The following VTI1A variants were observed in gnomAD, a reference collection of about 807,000 sequenced individuals.
The protein encoded by VTI1A is vesicle transport through interaction with t-SNAREs 1A, also known as vesicle transport through interaction with t-SNAREs homolog 1A.
VTI1A carries 22 observed loss-of-function variants against 34.9 expected under a neutral mutation model. That is an observed-to-expected ratio of 0.63 (90% CI 0.45 to 0.90). VTI1A has a LOEUF of 0.90. Ranked by LOEUF, VTI1A falls within the 40% of genes least tolerant of loss-of-function variation. VTI1A has a pLI of 0.00. For synonymous variants in VTI1A, 87 were observed against 97.3 expected (o/e 0.89, Z 0.62); for missense variants, 268 against 275.6 (o/e 0.97, Z 0.20).
At chr10:112,687,184 A>C (rs1356290997) in intron 7 of VTI1A, among the ~76,000 whole-genome samples, 2 of 142,190 alleles carry the variant, frequency 1.4e-5, no homozygotes, top group African/African-American at 5.3e-5. Flanking sequence ...ATCAAACTTC[A>C]CCACATCAAC....
chr10:112,761,605 T>G (rs562329250), intron 7 of VTI1A, among the ~76,000 whole-genome samples: 2 of 152,332 alleles, frequency 1.3e-5, no homozygotes, highest in Middle Eastern at 6.8e-3. Flanking sequence ...TTAATGTCAA[T>G]GCAATGTGTT....
chr10:112,524,574 A>G (rs1201982699), intron 3 of VTI1A, among the ~76,000 whole-genome samples: 1 of 152,180 alleles, frequency 6.6e-6, no homozygotes, highest in African/African-American at 2.4e-5. Flanking sequence ...GTTGCTGAGC[A>G]TGTACACTCT....
intron 7 of VTI1A, among the ~76,000 whole-genome samples, chr10:112,754,783 A>AG (rs1013059453): frequency 6.6e-6 from 1 of 152,164 alleles, no homozygotes; most frequent in Non-Finnish European, 1.5e-5. Context: ...GGGGTTTCCG[A>AG]GGAAAGGGAA....
Position 112,736,989 on chromosome 10 carries a change from C to G in VTI1A, c.560+67991C>G, listed in dbSNP as rs574443680. ...TGGTTCTGGGTGATTTATCTGGTCC[C>G]TTCCCATCCCAGAGCTTTATGATTC... On this transcript the variant is annotated intron_variant, in intron 7 of 7. Coordinates refer to ENST00000393077, the MANE Select transcript of VTI1A (RefSeq NM_145206.4). 5.2e-6 allele frequency: 3 copies of G among 577,954 alleles called. No homozygotes were observed. The African/African-American group carries it at 5.6e-5, about 11-fold the overall frequency. 35.8% of individuals were successfully genotyped at this position (577,954 alleles called of 1,614,324 possible).
the VTI1A span, among the ~76,000 whole-genome samples, chr10:112,847,878 A>G: frequency 6.6e-6 from 1 of 152,198 alleles, no homozygotes; most frequent in African/African-American, 2.4e-5. Context: ...GTGCCTAGTT[A>G]CTGAAGAAAC....
At chr10:112,630,404 T>C (rs1846084592) in intron 5 of VTI1A, among the ~76,000 whole-genome samples, 1 of 152,186 alleles carries the variant, frequency 6.6e-6, no homozygotes, top group South Asian at 2.1e-4. Flanking sequence ...AATATTACAC[T>C]TGGGGGTGCT....
At chr10:112,748,398 A>C (rs772552050) in intron 7 of VTI1A, among the ~76,000 whole-genome samples, 3 of 152,168 alleles carry the variant, frequency 2.0e-5, no homozygotes, top group Non-Finnish European at 2.9e-5. Flanking sequence ...TTATTCGTAC[A>C]GTTGGGGACT....
rs1232967240 is a variant in VTI1A, at chr10:112,447,276, C to T, written c.-98C>T. The T allele has an allele frequency of 1.5e-6, 2 of 1,332,370 alleles. No individual in the cohort carries two copies. Among genetic ancestry groups the T allele is most frequent in the East Asian group, 2.5e-5 (1 of 39,412 alleles). The allele number at this position is 1,332,370 out of a possible 1,614,324, so 82.5% of individuals were successfully genotyped here. ...CGGTTCTCCGTTCTGCTCTCGGGGG[C>T]ACCTTCCGGGGTTCCTAAGCCGCGG... On this transcript the variant is annotated 5_prime_UTR_variant, in exon 1 of 8. Transcript: ENST00000393077.
At chr10:112,593,464 C>A (rs1004531742) in intron 5 of VTI1A, among the ~76,000 whole-genome samples, 2 of 152,186 alleles carry the variant, frequency 1.3e-5, no homozygotes, top group African/African-American at 2.4e-5. Flanking sequence ...GTCAGTAGTT[C>A]TGACGAAAAG....
At chr10:112,504,497 T>A (rs1160395503) in intron 3 of VTI1A, among the ~76,000 whole-genome samples, 1 of 137,422 alleles carries the variant, frequency 7.3e-6, no homozygotes, top group Non-Finnish European at 1.6e-5. Flanking sequence ...AGAGCTTTTT[T>A]ATTCTTTTTT....
chr10:112,762,787 C>G (rs1851514322), intron 7 of VTI1A, among the ~76,000 whole-genome samples: 2 of 152,170 alleles, frequency 1.3e-5, no homozygotes, highest in South Asian at 4.1e-4. Flanking sequence ...CTTTCCCTCC[C>G]AGCTACTTCC....
chr10:112,633,110 A>G (rs1846201939), intron 5 of VTI1A, among the ~76,000 whole-genome samples: 1 of 152,160 alleles, frequency 6.6e-6, no homozygotes, highest in Admixed American at 6.5e-5. Flanking sequence ...TCACGAGGTC[A>G]GGAGTTTGAG....
At chr10:112,472,084 G>T (rs1848109557) in intron 3 of VTI1A, among the ~76,000 whole-genome samples, 1 of 152,168 alleles carries the variant, frequency 6.6e-6, no homozygotes, top group Non-Finnish European at 1.5e-5. Flanking sequence ...GATTTATATA[G>T]TTGCATATTT....
intron 5 of VTI1A, among the ~76,000 whole-genome samples, chr10:112,658,738 C>T (rs1001333577): frequency 6.6e-6 from 1 of 152,142 alleles, no homozygotes; most frequent in Admixed American, 6.6e-5. Context: ...AAGAAAGAAG[C>T]TATAACTCAG....
intron 3 of VTI1A, among the ~76,000 whole-genome samples, chr10:112,493,640 C>G (rs1471195017): frequency 6.6e-6 from 1 of 151,994 alleles, no homozygotes; most frequent in Non-Finnish European, 1.5e-5. Flanking sequence ...TGAGGAATTT[C>G]CCTTTTATTC....
chr10:112,562,250 A>G (rs1354577359), intron 5 of VTI1A, among the ~76,000 whole-genome samples: 1 of 152,176 alleles, frequency 6.6e-6, no homozygotes, highest in Non-Finnish European at 1.5e-5. Context: ...TTTATTATTT[A>G]GAAACAGTCT....
At chr10:112,682,092 A>G in intron 7 of VTI1A, among the ~76,000 whole-genome samples, 1 of 152,186 alleles carries the variant, frequency 6.6e-6, no homozygotes, top group East Asian at 1.9e-4. Context: ...ATTTATATGG[A>G]TAATTTTTAA....
chr10:112,619,905 G>A (rs1845661374), intron 5 of VTI1A, among the ~76,000 whole-genome samples: 1 of 152,168 alleles, frequency 6.6e-6, no homozygotes, highest in African/African-American at 2.4e-5. Context: ...TAATTGAAAG[G>A]GTGTCCAGCA....
rs532199247 is a variant in VTI1A, at chr10:112,496,310, C to G, written c.265-30777C>G. 3.3e-5 allele frequency among the ~76,000 whole-genome samples: 5 copies of G among 151,964 alleles called. No homozygotes were observed. The Middle Eastern group carries it at 0.017, about 517-fold the overall frequency. On this transcript the variant is annotated intron_variant, in intron 3 of 7. Transcript: ENST00000393077. ...TTGGGCCAGGTGCAGTGGCTCATGC[C>G]TGTAATCCCAGCACTTTGGGAGGCT...
Sources: allele counts gnomAD v4.1 joint callset (sites outside exome capture counted in the v4.1 genomes callset), GRCh38; gene constraint gnomAD v4.1.1; transcripts MANE v1.5; gene names NCBI Gene and HGNC (gene_info 2026-07-23, HGNC 2026-07-21).